The following THSD4 variants were observed in gnomAD, a reference collection of about 807,000 sequenced individuals.
THSD4 encodes the protein thrombospondin type 1 domain containing 4.
THSD4 carries 69 observed loss-of-function variants against 119.0 expected under a neutral mutation model. The observed-to-expected ratio is 0.58, with a 90% confidence interval of 0.48 to 0.71. The LOEUF (loss-of-function observed/expected upper bound fraction) is 0.71, where lower values mean the gene tolerates loss of function less well. Among genes scored for constraint, THSD4 ranks in the 30% least tolerant of loss-of-function variants. THSD4 has a pLI of 0.00. For missense variants in THSD4, 1,393 were observed against 1,391.1 expected (o/e 1.00, Z -0.02); for synonymous variants, 524 against 540.4 (o/e 0.97, Z 0.42).
chr15:71,569,280 G>C (rs949028288), intron 7 of THSD4, among the ~76,000 whole-genome samples: 1 of 152,096 alleles, frequency 6.6e-6, no homozygotes, highest in African/African-American at 2.4e-5. Flanking sequence ...TGTTAAGTCA[G>C]ATGTCACTGT....
At chr15:71,365,209 A>T (rs969536119) in intron 6 of THSD4, among the ~76,000 whole-genome samples, 3 of 150,534 alleles carry the variant, frequency 2.0e-5, no homozygotes, top group Non-Finnish European at 4.4e-5. Flanking sequence ...GGGCAAGCCA[A>T]TGACCCATGT....
chr15:71,275,487 T>C (rs533366632), intron 6 of THSD4, among the ~76,000 whole-genome samples: 1 of 152,332 alleles, frequency 6.6e-6, no homozygotes, highest in Admixed American at 6.5e-5. Context: ...TAGTATCTGG[T>C]GCATATCAAG....
chr15:71,311,532 G>A (rs1219418518), intron 6 of THSD4, among the ~76,000 whole-genome samples: 5 of 152,098 alleles, frequency 3.3e-5, no homozygotes, highest in African/African-American at 9.7e-5. Flanking sequence ...GCCCCTCTTT[G>A]TCTGATCCCG....
intron 7 of THSD4, among the ~76,000 whole-genome samples, chr15:71,633,555 A>G (rs1030566618): frequency 1.8e-4 from 27 of 152,328 alleles, no homozygotes; most frequent in Admixed American, 1.4e-3. Context: ...GACTACAGGC[A>G]TAAGCCACTG....
chr15:71,097,759 T>C (rs1028796411), intron 1 of THSD4, among the ~76,000 whole-genome samples: 1 of 151,166 alleles, frequency 6.6e-6, no homozygotes, highest in Non-Finnish European at 1.5e-5. Flanking sequence ...GCAAACTCTT[T>C]CCTGATTCAT....
chr15:71,634,670 A>G (rs957960922), intron 7 of THSD4, among the ~76,000 whole-genome samples: 1 of 152,166 alleles, frequency 6.6e-6, no homozygotes, highest in East Asian at 1.9e-4. Context: ...AAGGTAAAGA[A>G]AGGTCGGTCA....
chr15:71,141,635 G>T, intron 2 of THSD4, 79 bp downstream of exon 2: 1 of 1,463,622 alleles, frequency 6.8e-7, no homozygotes, highest in Non-Finnish European at 9.3e-7. Flanking sequence ...ATTTCTTAAA[G>T]TAAGTGATCT....
chr15:71,557,939 T>C (rs2049045700), intron 7 of THSD4, among the ~76,000 whole-genome samples: 1 of 152,214 alleles, frequency 6.6e-6, no homozygotes, highest in South Asian at 2.1e-4. Context: ...TTGTTCTTCC[T>C]CTTCATTGAA....
rs747890172 is a variant in THSD4 at position 71,341,360 on chromosome 15, T to A, written c.1016-70327T>A. 4 of 1,610,442 alleles carry A rather than the reference T, an allele frequency of 2.5e-6. No homozygotes were observed. The South Asian group carries it at 4.4e-5, about 18-fold the overall frequency. On this transcript the variant is annotated intron_variant, in intron 6 of 17. Transcript: ENST00000261862. ...GTGCATCTTAGGTGCTTTGTTCACTTGGATATGCTCAATGACCAGAGAATC... is the reference window on the plus strand; with the variant it reads ...GTGCATCTTAGGTGCTTTGTTCACTAGGATATGCTCAATGACCAGAGAATC...
chr15:71,584,325 T>C (rs35860235), intron 7 of THSD4, among the ~76,000 whole-genome samples: 25,851 of 141,342 alleles, frequency 0.18, 2,449 homozygotes, highest in Middle Eastern at 0.22. Context: ...TGAAGTGTAG[T>C]GGCATGATCT....
At chr15:71,504,010 G>A (rs748172516) in intron 7 of THSD4, among the ~76,000 whole-genome samples, 4 of 152,212 alleles carry the variant, frequency 2.6e-5, no homozygotes, top group African/African-American at 4.8e-5. Flanking sequence ...GTTACTCAGT[G>A]CATTATGATT....
intron 1 of THSD4, among the ~76,000 whole-genome samples, chr15:71,139,370 C>T (rs772780191): frequency 5.9e-5 from 9 of 152,202 alleles, no homozygotes; most frequent in Non-Finnish European, 1.2e-4. Flanking sequence ...AGGGACTTGG[C>T]AAAGACTTCA....
At chr15:71,366,975 T>A (rs2045973391) in intron 6 of THSD4, among the ~76,000 whole-genome samples, 1 of 152,202 alleles carries the variant, frequency 6.6e-6, no homozygotes, top group Non-Finnish European at 1.5e-5. Flanking sequence ...TCCAAAGAGC[T>A]CCTCTTTCAA....
At chr15:71,293,390 G>C (rs575098935) in intron 6 of THSD4, among the ~76,000 whole-genome samples, 1 of 152,254 alleles carries the variant, frequency 6.6e-6, no homozygotes, top group African/African-American at 2.4e-5. Context: ...CCTGAGCTCT[G>C]TTCTCCATGG....
At position 71,721,066 on chromosome 15, in the gene THSD4, A is replaced by G. The variant is rs1171033324; in HGVS notation, c.1358-7483A>G. ...TGGTTGGGTCATCATCACAATGGGC[A>G]TTAAGATTATGGGATTATGGCCAGG... On this transcript the variant is annotated intron_variant, in intron 8 of 17. Coordinates refer to ENST00000261862, the MANE Select transcript of THSD4 (RefSeq NM_024817.3). 2.6e-5 allele frequency among the ~76,000 whole-genome samples: 4 copies of G among 152,190 alleles called. No individual in the cohort carries two copies. The East Asian group carries it at 5.8e-4, about 22-fold the overall frequency.
chr15:71,297,320 T>TGTTTG (rs1555461741), intron 6 of THSD4, among the ~76,000 whole-genome samples: 5 of 148,088 alleles, frequency 3.4e-5, no homozygotes, highest in South Asian at 4.4e-4. Context: ...CTCTTCTTTT[T>TGTTTG]TTTGTTTGTT....
intron 6 of THSD4, among the ~76,000 whole-genome samples, chr15:71,353,158 C>T (rs1264315752): frequency 6.6e-6 from 1 of 152,172 alleles, no homozygotes; most frequent in Non-Finnish European, 1.5e-5. Context: ...CATCAACAGA[C>T]ATTGACACAT....
intron 6 of THSD4, among the ~76,000 whole-genome samples, chr15:71,281,624 GTAAA>G (rs1294503835): frequency 1.3e-5 from 2 of 152,162 alleles, no homozygotes; most frequent in Non-Finnish European, 2.9e-5. Context: ...AAGTTCTTTA[GTAAA>G]TATAGTACTT....
chr15:71,209,314 A>G (rs756799619), intron 3 of THSD4, among the ~76,000 whole-genome samples: 12 of 152,132 alleles, frequency 7.9e-5, no homozygotes, highest in Non-Finnish European at 1.3e-4. Context: ...TCTCACATAT[A>G]TTTTTAAAGC....
Sources: allele counts gnomAD v4.1 joint callset (sites outside exome capture counted in the v4.1 genomes callset), GRCh38; gene constraint gnomAD v4.1.1; transcripts MANE v1.5; gene names NCBI Gene and HGNC (gene_info 2026-07-23, HGNC 2026-07-21).